Variants in TBC1D2 observed in about 807,000 individuals in gnomAD.
TBC1D2 encodes TBC1 domain family member 2, also known as TBC1 domain family member 2A.
TBC1D2 carries 58 observed loss-of-function variants against 91.1 expected under a neutral mutation model. The ratio of observed to expected loss-of-function variants is 0.64; its 90% CI spans 0.52 to 0.79. TBC1D2 has a LOEUF of 0.79. Among genes scored for constraint, TBC1D2 ranks in the 30% least tolerant of loss-of-function variants. TBC1D2 has a pLI of 0.00. For missense variants in TBC1D2, 1,080 were observed against 1,208.3 expected (o/e 0.89, Z 1.57); for synonymous variants, 482 against 511.5 (o/e 0.94, Z 0.78).
At chr9:98,199,733 A>G in intron 12 of TBC1D2, 145 bp from the exon 13 acceptor site, 1 of 809,658 alleles carries the variant, frequency 1.2e-6, no homozygotes, top group Admixed American at 2.2e-5. Context: ...AATGAATAAG[A>G]TGATTTCCAC....
Position 98,233,522 on chromosome 9 carries a change from G to A in TBC1D2, c.675C>T (p.Asn225=). 1 of 1,614,196 alleles carries A rather than the reference G, an allele frequency of 6.2e-7. No individual in the cohort carries two copies. The change falls in exon 4 of 13, where the codon AAC becomes AAT. Residue 225 remains asparagine (N), a synonymous_variant. Coordinates refer to ENST00000465784, the MANE Select transcript of TBC1D2 (RefSeq NM_001267571.2). ...IQNTMHNIRG[N]KQAQGTGHEP... is the part of the protein sequence containing the mutation. ...CATGGCCTGTTCCCTGGGCCTGCTTGTTGCCACGGATGTTGTGCATTGTGT... is the reference window on the plus strand; with the variant it reads ...CATGGCCTGTTCCCTGGGCCTGCTTATTGCCACGGATGTTGTGCATTGTGT...
chr9:98,250,612 G>A (rs887787764), intron 2 of TBC1D2, among the ~76,000 whole-genome samples: 1 of 152,168 alleles, frequency 6.6e-6, no homozygotes, highest in Admixed American at 6.5e-5. Context: ...GGAGGGAAGG[G>A]AAATGGGGAG....
intron 4 of TBC1D2, among the ~76,000 whole-genome samples, chr9:98,232,869 G>A (rs936564724): frequency 6.6e-6 from 1 of 152,230 alleles, no homozygotes; most frequent in Non-Finnish European, 1.5e-5. Flanking sequence ...CCAGGCTGGA[G>A]TGCTGTGGTG....
At chr9:98,227,648 G>A (rs1829264612) in intron 5 of TBC1D2, among the ~76,000 whole-genome samples, 1 of 152,012 alleles carries the variant, frequency 6.6e-6, no homozygotes, top group African/African-American at 2.4e-5. Flanking sequence ...TGGGCATGGT[G>A]GCAGGTGCTT....
intron 6 of TBC1D2, among the ~76,000 whole-genome samples, chr9:98,217,361 G>A (rs898813286): frequency 2.0e-5 from 3 of 152,250 alleles, no homozygotes; most frequent in African/African-American, 7.2e-5. Context: ...TGTGTGGAAG[G>A]CAGTGGCCTG....
At chr9:98,250,154 G>A (rs1829841959) in intron 2 of TBC1D2, among the ~76,000 whole-genome samples, 1 of 152,194 alleles carries the variant, frequency 6.6e-6, no homozygotes. Context: ...AGGCAATGCT[G>A]GAGCTTGGCC....
chr9:98,221,409 A>T (rs2074935417), intron 5 of TBC1D2, among the ~76,000 whole-genome samples, 181 bp from the exon 6 acceptor site: 1 of 152,230 alleles, frequency 6.6e-6, no homozygotes, highest in Non-Finnish European at 1.5e-5. Context: ...AGCTGGGCAC[A>T]TGGTTCCCCA....
At chr9:98,247,353 A>G (rs34490285) in intron 2 of TBC1D2, among the ~76,000 whole-genome samples, 1 of 141,942 alleles carries the variant, frequency 7.0e-6, no homozygotes, top group African/African-American at 2.6e-5. Flanking sequence ...AAAAACAAAC[A>G]CAAACAAACA....
intron 3 of TBC1D2, 66 bp downstream of exon 3, chr9:98,243,928 T>G (rs10818666): frequency 6.4e-7 from 1 of 1,555,242 alleles, no homozygotes; most frequent in East Asian, 2.4e-5. Flanking sequence ...AGAATCACAG[T>G]GGGTCAAGCT....
chr9:98,209,215 G>T (rs1265302583), intron 8 of TBC1D2, 71 bp from the exon 9 acceptor site: 4 of 1,477,930 alleles, frequency 2.7e-6, no homozygotes, highest in Admixed American at 1.7e-5. Context: ...TGGTGACAGG[G>T]AGGACCCCAG....
chr9:98,216,597 C>T (rs1236689937), intron 6 of TBC1D2, among the ~76,000 whole-genome samples: 1 of 152,232 alleles, frequency 6.6e-6, no homozygotes, highest in African/African-American at 2.4e-5. Context: ...AGAAAGCAGA[C>T]CCAGCTCTGG....
At chr9:98,202,595 T>G (rs1482840894) in intron 10 of TBC1D2, among the ~76,000 whole-genome samples, 1 of 152,202 alleles carries the variant, frequency 6.6e-6, no homozygotes, top group Admixed American at 6.5e-5. Context: ...ACTGATACAA[T>G]GCCAGAAATT....
rs58713846 is a variant in TBC1D2 at position 98,247,728 on chromosome 9, C to CAAA, written c.512-3602_512-3600dup. Among the ~76,000 whole-genome samples, 268 of 70,768 alleles carry CAAA rather than the reference C, an allele frequency of 3.8e-3. 3 individuals carry two copies. The highest frequency in any genetic ancestry group is 0.01 in the African/African-American group (226 of 21,844). 46.4% of individuals were successfully genotyped at this position (70,768 alleles called of 152,430 possible). A position where few individuals can be genotyped will look rare whatever the true frequency, so the allele number is the denominator to read the frequency against. On this transcript the variant is annotated intron_variant, in intron 2 of 12. Coordinates refer to ENST00000465784, the MANE Select transcript of TBC1D2 (RefSeq NM_001267571.2). ...TGGGTGACAGAGCGAGACTCCGTCT[C>CAAA]AAAAAAAAAAAAAAAAAAAAAAGCC...
intron 9 of TBC1D2, among the ~76,000 whole-genome samples, chr9:98,207,441 C>T (rs930204513): frequency 6.6e-6 from 1 of 152,238 alleles, no homozygotes; most frequent in African/African-American, 2.4e-5. Flanking sequence ...GGGGGGATGA[C>T]AGTCCCTCAC....
chr9:98,246,537 G>A (rs1211614212), intron 2 of TBC1D2, among the ~76,000 whole-genome samples: 16 of 152,140 alleles, frequency 1.1e-4, no homozygotes. Context: ...AGGCTTGTGA[G>A]TGGGGCTGGA....
intron 2 of TBC1D2, among the ~76,000 whole-genome samples, chr9:98,248,141 G>T (rs1829803928): frequency 6.6e-6 from 1 of 152,186 alleles, no homozygotes; most frequent in African/African-American, 2.4e-5. Context: ...CCCTACTTTT[G>T]CTTTTCCCAT....
At chr9:98,248,323 T>C (rs1829807556) in intron 2 of TBC1D2, among the ~76,000 whole-genome samples, 2 of 152,256 alleles carry the variant, frequency 1.3e-5, no homozygotes, top group Non-Finnish European at 2.9e-5. Context: ...GCAGAATCAA[T>C]GACCTGAGGC....
intron 2 of TBC1D2, among the ~76,000 whole-genome samples, chr9:98,246,199 C>G (rs991073866): frequency 6.6e-6 from 1 of 152,160 alleles, no homozygotes; most frequent in Non-Finnish European, 1.5e-5. Context: ...TGAGACCTAC[C>G]AGGGCAGCAG....
At chr9:98,204,756 C>T (rs1352296478) in intron 9 of TBC1D2, among the ~76,000 whole-genome samples, 1 of 152,228 alleles carries the variant, frequency 6.6e-6, no homozygotes, top group African/African-American at 2.4e-5. Flanking sequence ...AGAGAACAGT[C>T]ACAGGTCTCC....
Sources: allele counts gnomAD v4.1 joint callset (sites outside exome capture counted in the v4.1 genomes callset), GRCh38; gene constraint gnomAD v4.1.1; transcripts MANE v1.5; gene names NCBI Gene and HGNC (gene_info 2026-07-23, HGNC 2026-07-21).